The following PITPNB variants were observed in gnomAD, a reference collection of about 807,000 sequenced individuals.
PITPNB encodes the protein phosphatidylinositol transfer protein beta.
A neutral mutation model predicts 45.9 loss-of-function variants in PITPNB; 16 were observed. The ratio of observed to expected loss-of-function variants is 0.35; its 90% confidence interval spans 0.24 to 0.53. PITPNB has a LOEUF of 0.53. Ranked by LOEUF, PITPNB falls within the 20% of genes least tolerant of loss-of-function variation. PITPNB has a pLI of 0.93. For synonymous variants in PITPNB, 112 were observed against 108.9 expected (o/e 1.03, Z -0.18); for missense variants, 188 against 330.5 (o/e 0.57, Z 3.34).
intron 8 of PITPNB, among the ~76,000 whole-genome samples, chr22:27,862,065 C>G (rs1481189167): frequency 6.6e-6 from 1 of 152,186 alleles, no homozygotes; most frequent in Non-Finnish European, 1.5e-5. Context: ...TGTCTTCACA[C>G]GGTGGTGCCC....
At chr22:27,873,685 T>C (rs1934736042) in intron 8 of PITPNB, 53 bp downstream of exon 8, 3 of 1,059,724 alleles carry the variant, frequency 2.8e-6, no homozygotes, top group Non-Finnish European at 3.0e-6. Flanking sequence ...TCAGGACCTG[T>C]CAAGTGTTCT....
chr22:27,906,552 A>C (rs1056531995), intron 3 of PITPNB, among the ~76,000 whole-genome samples: 3 of 152,198 alleles, frequency 2.0e-5, no homozygotes, highest in Admixed American at 6.5e-5. Context: ...TTCAAGTCCT[A>C]TCTCTGCTAC....
chr22:27,902,414 G>T (rs1225412987), intron 3 of PITPNB, among the ~76,000 whole-genome samples: 1 of 152,126 alleles, frequency 6.6e-6, no homozygotes, highest in Non-Finnish European at 1.5e-5. Flanking sequence ...TTGGATGATG[G>T]GAAGCCACTG....
At chr22:27,873,540 G>C (rs1934730180) in intron 8 of PITPNB, among the ~76,000 whole-genome samples, 198 bp downstream of exon 8, 1 of 152,220 alleles carries the variant, frequency 6.6e-6, no homozygotes. Context: ...GAAAGTGACA[G>C]TCTGGCTCTG....
chr22:27,860,325 T>G (rs998730733), intron 8 of PITPNB, 84 bp from the exon 9 acceptor site: 1 of 724,872 alleles, frequency 1.4e-6, no homozygotes, highest in Non-Finnish European at 2.3e-6. Context: ...AACGACATCA[T>G]AGACATACAT....
Position 27,854,941 on chromosome 22 carries a change from TA to T in PITPNB, c.769-3del. 6.2e-7 allele frequency: 1 copy of T among 1,611,086 alleles called. No homozygotes were observed. The highest frequency in any genetic ancestry group is 8.5e-7 in the Non-Finnish European group (1 of 1,177,316). Reference sequence around the variant, plus strand: ...TCGAACGGAACCCCTCTTACGCATCTAAACGTAAAATAAAATTGTGAGCTGC... The same window carrying T: ...TCGAACGGAACCCCTCTTACGCATCTAACGTAAAATAAAATTGTGAGCTGC... On this transcript the variant is annotated splice_region_variant and splice_polypyrimidine_tract_variant and intron_variant, in intron 10 of 11. Coordinates refer to ENST00000335272, the MANE Select transcript of PITPNB (RefSeq NM_012399.5).
chr22:27,884,677 A>G (rs1210303813), intron 7 of PITPNB, among the ~76,000 whole-genome samples: 6 of 152,194 alleles, frequency 3.9e-5, no homozygotes, highest in African/African-American at 1.4e-4. Flanking sequence ...CATTACACTC[A>G]AACATGCTGA....
At chr22:27,868,160 T>TC (rs1934538413) in intron 8 of PITPNB, among the ~76,000 whole-genome samples, 1 of 152,190 alleles carries the variant, frequency 6.6e-6, no homozygotes, top group East Asian at 1.9e-4. Context: ...CTTCGTATCC[T>TC]CCCTGGACCT....
Position 27,911,029 on chromosome 22 carries a change from C to T in PITPNB, c.132G>A (p.Lys44=). Residue 44 remains lysine, a synonymous_variant, in exon 3 of 12, where the codon AAG becomes AAA. Coordinates refer to ENST00000335272, the MANE Select transcript of PITPNB (RefSeq NM_012399.5). ...TGGGEGIEVL[K]NEPYEKDGEK... Reference sequence around the variant, plus strand: ...CTCCATCCTTCTCATAAGGTTCATTCTTTAAGACTTCAATTCCTTCTCCAC... The same window carrying T: ...CTCCATCCTTCTCATAAGGTTCATTTTTTAAGACTTCAATTCCTTCTCCAC... 6.2e-7 allele frequency: 1 copy of T among 1,611,286 alleles called. No individual in the cohort carries two copies. Among genetic ancestry groups the T allele is most frequent in the East Asian group, 2.2e-5 (1 of 44,832 alleles).
chr22:27,893,033 G>A (rs1935325994), intron 7 of PITPNB, among the ~76,000 whole-genome samples: 1 of 152,138 alleles, frequency 6.6e-6, no homozygotes, highest in South Asian at 2.1e-4. Context: ...TTACAACACT[G>A]CTCAAGTTCA....
At chr22:27,874,742 C>A (rs1449515517) in intron 7 of PITPNB, among the ~76,000 whole-genome samples, 3 of 152,182 alleles carry the variant, frequency 2.0e-5, no homozygotes, top group African/African-American at 7.2e-5. Context: ...TGACCGTGGT[C>A]GGTTGGTCAG....
intron 10 of PITPNB, among the ~76,000 whole-genome samples, chr22:27,857,038 C>G (rs927455760): frequency 8.5e-5 from 13 of 152,198 alleles, no homozygotes; most frequent in Admixed American, 3.9e-4. Flanking sequence ...TTGCCTGTGG[C>G]TAGACTAAAA....
At chr22:27,887,270 G>A (rs1433169827) in intron 7 of PITPNB, among the ~76,000 whole-genome samples, 1 of 152,110 alleles carries the variant, frequency 6.6e-6, no homozygotes, top group Non-Finnish European at 1.5e-5. Context: ...GCTGCCCTTT[G>A]GTCATAAAAA....
chr22:27,855,273 T>C (rs1934138361), intron 10 of PITPNB, among the ~76,000 whole-genome samples: 1 of 152,238 alleles, frequency 6.6e-6, no homozygotes, highest in African/African-American at 2.4e-5. Context: ...CATATTTGCA[T>C]AGTCCCTAGG....
chr22:27,885,657 G>A (rs1444699444), intron 7 of PITPNB, among the ~76,000 whole-genome samples: 1 of 152,140 alleles, frequency 6.6e-6, no homozygotes, highest in Non-Finnish European at 1.5e-5. Flanking sequence ...TTGCAGGCAT[G>A]AGCCACTGTG....
chr22:27,890,561 T>C (rs1935246097), intron 7 of PITPNB, among the ~76,000 whole-genome samples: 1 of 152,106 alleles, frequency 6.6e-6, no homozygotes, highest in Admixed American at 6.5e-5. Context: ...ATGCCTGTAA[T>C]CCCAGCACTT....
intron 1 of PITPNB, among the ~76,000 whole-genome samples, chr22:27,916,044 C>A (rs994063830): frequency 1.3e-5 from 2 of 152,128 alleles, no homozygotes; most frequent in Non-Finnish European, 2.9e-5. Context: ...TGATGGACTG[C>A]AGAGGGAATG....
rs1934039691 is a variant in PITPNB at position 27,852,237 on chromosome 22, C to T, written c.*1465G>A. On this transcript the variant is annotated 3_prime_UTR_variant, in exon 12 of 12. Coordinates refer to ENST00000335272, the MANE Select transcript of PITPNB (RefSeq NM_012399.5). ...TCAGATTACTAATGTGATTTGACTGCAGGGGTTGGCGTGTTTTAGGAGGGA... is the reference window on the plus strand; with the variant it reads ...TCAGATTACTAATGTGATTTGACTGTAGGGGTTGGCGTGTTTTAGGAGGGA... 6.6e-6 allele frequency: 1 copy of T among 152,056 alleles called. No homozygotes were observed. Among genetic ancestry groups the T allele is most frequent in the Non-Finnish European group, 1.5e-5 (1 of 68,034 alleles). The allele number at this position is 152,056 out of a possible 1,614,324, so 9.4% of individuals were successfully genotyped here.
At chr22:27,919,099 T>C (rs746952004) in intron 1 of PITPNB, 73 bp downstream of exon 1, 1 of 1,612,178 alleles carries the variant, frequency 6.2e-7, no homozygotes, top group East Asian at 2.2e-5. Flanking sequence ...AGGAATATCC[T>C]ACCACTTCTC....
Sources: allele counts gnomAD v4.1 joint callset (sites outside exome capture counted in the v4.1 genomes callset), GRCh38; gene constraint gnomAD v4.1.1; transcripts MANE v1.5; gene names NCBI Gene and HGNC (gene_info 2026-07-23, HGNC 2026-07-21).